The following SLC60A2 variants were observed in gnomAD, a reference collection of about 807,000 sequenced individuals.
SLC60A2 encodes solute carrier family 60 member 2.
chr6:111,264,954 A>G, the SLC60A2 span, among the ~76,000 whole-genome samples: 1 of 150,018 alleles, frequency 6.7e-6, no homozygotes, highest in African/African-American at 2.5e-5. Flanking sequence ...TGAGCCAGGC[A>G]TGGTGGCGCG....
the SLC60A2 span, chr6:111,267,966 T>A: frequency 6.6e-6 from 1 of 152,252 alleles, no homozygotes; most frequent in South Asian, 2.1e-4. Flanking sequence ...AGCCTTGACT[T>A]CTTCTAGCCC....
the SLC60A2 span, among the ~76,000 whole-genome samples, chr6:111,272,282 C>T: frequency 1.6e-3 from 241 of 152,014 alleles, 2 homozygotes; most frequent in African/African-American, 5.4e-3. Context: ...GGATTACATG[C>T]GTGAGCCACC....
the SLC60A2 span, among the ~76,000 whole-genome samples, chr6:111,261,376 C>T: frequency 6.6e-6 from 1 of 152,192 alleles, no homozygotes; most frequent in African/African-American, 2.4e-5. Flanking sequence ...ACAGTCTCGA[C>T]CTCAGGGCTT....
the SLC60A2 span, chr6:111,265,434 ATAAG>A: frequency 2.1e-6 from 2 of 974,616 alleles, no homozygotes; most frequent in South Asian, 4.8e-5. Context: ...TGTTACATAC[ATAAG>A]TAAGTAATTT....
the SLC60A2 span, among the ~76,000 whole-genome samples, chr6:111,261,712 G>GTCTC: frequency 6.6e-6 from 1 of 152,090 alleles, no homozygotes; most frequent in Non-Finnish European, 1.5e-5. Flanking sequence ...TCCTGCCTCA[G>GTCTC]CCTCCCGAGT....
the SLC60A2 span, among the ~76,000 whole-genome samples, chr6:111,277,059 A>T: frequency 6.6e-6 from 1 of 152,208 alleles, no homozygotes; most frequent in Admixed American, 6.5e-5. Flanking sequence ...CTTTGGGTTG[A>T]TGACATTGCT....
At chr6:111,264,555 G>A in the SLC60A2 span, among the ~76,000 whole-genome samples, 1 of 152,080 alleles carries the variant, frequency 6.6e-6, no homozygotes, top group Admixed American at 6.6e-5. Flanking sequence ...TTGGGAGGCC[G>A]AGATGGGTGG....
chr6:111,259,684 G>T, the SLC60A2 span: 1 of 1,597,470 alleles, frequency 6.3e-7, no homozygotes, highest in Non-Finnish European at 8.5e-7. Context: ...AGCAAGCTGC[G>T]GTGGTTCACC....
chr6:111,263,918 CG>C, the SLC60A2 span: 1 of 1,605,352 alleles, frequency 6.2e-7, no homozygotes, highest in Non-Finnish European at 8.5e-7. Flanking sequence ...TGTCTATCTT[CG>C]GTGTTTCAAT....
the SLC60A2 span, among the ~76,000 whole-genome samples, chr6:111,273,510 TTTTG>T: frequency 7.7e-6 from 1 of 129,340 alleles, no homozygotes; most frequent in African/African-American, 2.6e-5. Context: ...TTTTTTTTTT[TTTTG>T]TTTAACATGT....
the SLC60A2 span, among the ~76,000 whole-genome samples, chr6:111,271,772 T>C: frequency 8.7e-5 from 1 of 11,546 alleles, no homozygotes; most frequent in African/African-American, 1.9e-4. Flanking sequence ...ACCCCATCTC[T>C]ACTAAAAAAA....
chr6:111,273,497 T>G, the SLC60A2 span, among the ~76,000 whole-genome samples: 8 of 83,384 alleles, frequency 9.6e-5, no homozygotes, highest in South Asian at 7.8e-4. Flanking sequence ...GAGATTTGTG[T>G]TTTTTTTTTT....
At chr6:111,264,002 A>G in the SLC60A2 span, 4 of 903,530 alleles carry the variant, frequency 4.4e-6, no homozygotes, top group Non-Finnish European at 7.3e-6. Context: ...GAAGAAGTAC[A>G]GCAGATGATA....
the SLC60A2 span, among the ~76,000 whole-genome samples, chr6:111,272,140 C>G: frequency 6.6e-6 from 1 of 151,872 alleles, no homozygotes; most frequent in African/African-American, 2.4e-5. Context: ...GTAGCTGGGA[C>G]TACAGGCTTG....
chr6:111,265,876 G>T, the SLC60A2 span: 151 of 1,589,532 alleles, frequency 9.5e-5, no homozygotes, highest in Middle Eastern at 3.9e-3. Flanking sequence ...TCATCGACAG[G>T]TGGTAACGTC....
chr6:111,273,058 C>T, the SLC60A2 span, among the ~76,000 whole-genome samples: 7 of 152,086 alleles, frequency 4.6e-5, no homozygotes, highest in Middle Eastern at 3.4e-3. Context: ...CTCGAACTCC[C>T]GACCTCAGGT....
At chr6:111,260,222 C>G in the SLC60A2 span, among the ~76,000 whole-genome samples, 1 of 152,118 alleles carries the variant, frequency 6.6e-6, no homozygotes, top group Non-Finnish European at 1.5e-5. Flanking sequence ...GGCAAGCCTT[C>G]CTACGTCTCC....
the SLC60A2 span, among the ~76,000 whole-genome samples, chr6:111,276,591 C>T: frequency 6.6e-6 from 1 of 152,198 alleles, no homozygotes; most frequent in Non-Finnish European, 1.5e-5. Context: ...GGGCTTACTG[C>T]ATGTGAGGCT....
At chr6:111,273,511 T>TTG in the SLC60A2 span, among the ~76,000 whole-genome samples, 5,824 of 149,444 alleles carry the variant, frequency 0.039, 153 homozygotes, top group Non-Finnish European at 0.056. Context: ...TTTTTTTTTT[T>TTG]TTGTTTAACA....
Sources: gnomAD v4.1 joint callset for allele counts (sites outside exome capture counted in the v4.1 genomes callset) on GRCh38, gnomAD v4.1.1 for gene constraint, MANE v1.5 for transcripts, NCBI Gene and HGNC (gene_info 2026-07-23, HGNC 2026-07-21) for gene names.